The following ASMTL variants were observed in gnomAD, a reference collection of about 807,000 sequenced individuals.
ASMTL encodes the protein probable bifunctional dTTP/UTP pyrophosphatase/methyltransferase protein.
In ASMTL, 57 loss-of-function variants were observed where a neutral mutation model predicts 60.3. The observed-to-expected ratio is 0.95, with a 90% CI of 0.76 to 1.18. The LOEUF (loss-of-function observed/expected upper bound fraction) is 1.18. Ranked by LOEUF, ASMTL falls within the 50% of genes most tolerant of loss-of-function variation. The pLI is 0.00. For synonymous variants in ASMTL, 419 were observed against 373.0 expected (o/e 1.12, Z -1.42); for missense variants, 981 against 852.6 (o/e 1.15, Z -1.88).
intron 3 of ASMTL, among the ~76,000 whole-genome samples, chrX:1,438,381 C>G (rs28437053): frequency 0.24 from 36,785 of 152,044 alleles, 4,703 homozygotes; most frequent in Middle Eastern, 0.38. Context: ...GGCCATGAGC[C>G]AAAGGAGACA....
chrX:1,419,165 C>T (rs1268600652), intron 9 of ASMTL, 51 bp from the exon 10 acceptor site: 15 of 1,593,922 alleles, frequency 9.4e-6, no homozygotes, highest in East Asian at 9.0e-5. Context: ...GGCGAGGGCT[C>T]GCCCAGCCTC....
intron 1 of ASMTL, among the ~76,000 whole-genome samples, chrX:1,446,720 C>T (rs183512861): frequency 0.011 from 1,725 of 152,150 alleles, 27 homozygotes; most frequent in Middle Eastern, 0.065. Context: ...AGGATGGTCT[C>T]GATCTCCTGA....
chrX:1,436,126 C>T (rs2052204932), intron 3 of ASMTL, among the ~76,000 whole-genome samples: 1 of 152,186 alleles, frequency 6.6e-6, no homozygotes, highest in African/African-American at 2.4e-5. Flanking sequence ...CTGTCACTGA[C>T]CGTGATGTCC....
chrX:1,452,313 C>G (rs142094487), intron 1 of ASMTL, among the ~76,000 whole-genome samples: 1 of 143,602 alleles, frequency 7.0e-6, no homozygotes, highest in African/African-American at 2.7e-5. Context: ...CTCCCCATCC[C>G]CAACCCTGGA....
At chrX:1,444,870 G>C (rs1408590614) in intron 1 of ASMTL, among the ~76,000 whole-genome samples, 3 of 152,140 alleles carry the variant, frequency 2.0e-5, no homozygotes, top group Non-Finnish European at 2.9e-5. Flanking sequence ...AGGGGACTTA[G>C]AGGCTCAAGC....
intron 1 of ASMTL, among the ~76,000 whole-genome samples, chrX:1,442,560 G>A (rs762103484): frequency 6.6e-6 from 1 of 152,134 alleles, no homozygotes; most frequent in African/African-American, 2.4e-5. Context: ...ACTGACCAGG[G>A]GCCTTCTTGG....
intron 9 of ASMTL, among the ~76,000 whole-genome samples, chrX:1,419,844 C>A (rs1354141357): frequency 1.3e-5 from 2 of 152,234 alleles, no homozygotes; most frequent in Admixed American, 1.3e-4. Flanking sequence ...GCGATGCCCA[C>A]GCTGGCTGCT....
chrX:1,422,522 C>T (rs1342673112), intron 8 of ASMTL, among the ~76,000 whole-genome samples: 5 of 152,112 alleles, frequency 3.3e-5, no homozygotes, highest in Non-Finnish European at 7.4e-5. Context: ...TCTCCACCCA[C>T]TTCATGCCCA....
chrX:1,422,756 A>C (rs1461260377), intron 8 of ASMTL, among the ~76,000 whole-genome samples: 1 of 152,132 alleles, frequency 6.6e-6, no homozygotes. Context: ...ACGGTTTGCT[A>C]TAGTCAGATA....
intron 1 of ASMTL, among the ~76,000 whole-genome samples, chrX:1,451,471 G>A (rs1473904883): frequency 2.3e-5 from 3 of 131,736 alleles, no homozygotes; most frequent in African/African-American, 5.9e-5. Flanking sequence ...TTTGGGTCCC[G>A]GGTTACTCTC....
At position 1,428,820 on chromosome X, in the gene ASMTL, A is replaced by G. The variant is rs1318107192; in HGVS notation, c.510-699T>C. Among the ~76,000 whole-genome samples the G allele has an allele frequency of 5.5e-5, 8 of 146,640 alleles. No individual in the cohort carries two copies. In the Admixed American group the frequency reaches 5.7e-4, roughly 10 times the overall value. ...TCTAGTGTGCTGGCAATTTACCAGT[A>G]AGACACTGTTCCTATAAACCACAGT... On this transcript the variant is annotated intron_variant, in intron 6 of 12. Coordinates refer to ENST00000381317, the MANE Select transcript of ASMTL (RefSeq NM_004192.4).
chrX:1,404,862 GGATGCATGGATGA>G lies in ASMTL; in HGVS notation c.1646-1386_1646-1374del, dbSNP rs2089749797. ...TGGATAGGTAGGAAGATGAATAGTTGGATGCATGGATGAGATGGATGGTTGGGTGAATAGATGG... is the reference window on the plus strand; with the variant it reads ...TGGATAGGTAGGAAGATGAATAGTTGGATGGATGGTTGGGTGAATAGATGG... On this transcript the variant is annotated intron_variant, in intron 12 of 12. Transcript: ENST00000381317. 8.6e-5 allele frequency among the ~76,000 whole-genome samples: 13 copies of G among 151,942 alleles called. 1 individual carries two copies. The highest frequency in any genetic ancestry group is 6.8e-3 in the Middle Eastern group (2 of 294).
At chrX:1,407,517 T>C (rs1348584739) in intron 12 of ASMTL, among the ~76,000 whole-genome samples, 1 of 151,822 alleles carries the variant, frequency 6.6e-6, no homozygotes, top group African/African-American at 2.4e-5. Context: ...GGTGAATATA[T>C]GGTAGATGAT....
intron 5 of ASMTL, among the ~76,000 whole-genome samples, chrX:1,433,422 T>A (rs1422938132): frequency 1.3e-5 from 2 of 148,282 alleles, no homozygotes; most frequent in Non-Finnish European, 3.0e-5. Flanking sequence ...TCCCAGCACT[T>A]TGGGAGGCCG....
chrX:1,436,466 C>T (rs1182684714), intron 3 of ASMTL, among the ~76,000 whole-genome samples: 1 of 152,218 alleles, frequency 6.6e-6, no homozygotes, highest in East Asian at 1.9e-4. Context: ...CATTCTCCTG[C>T]CTCAGCCTCC....
At chrX:1,448,842 T>C (rs2091289580) in intron 1 of ASMTL, among the ~76,000 whole-genome samples, 1 of 142,416 alleles carries the variant, frequency 7.0e-6, no homozygotes. Context: ...ACATGCATGG[T>C]CATCTTTGAC....
rs1187906286 is a variant in ASMTL at position 1,421,269 on chromosome X, CTG to C, written c.1245+387_1245+388del. The stretch of plus-strand genomic sequence containing the variant: ...GCTCATGCCACCATGCCCAGCCTAA[CTG>C]TTAATTTTTTGTAGAGATGGGGGTC... On this transcript the variant is annotated intron_variant, in intron 9 of 12. Transcript: ENST00000381317. 3.1e-3 allele frequency among the ~76,000 whole-genome samples: 473 copies of C among 152,008 alleles called. 6 individuals are homozygous for C. Among genetic ancestry groups the C allele is most frequent in the Non-Finnish European group, 1.4e-3 (98 of 67,984 alleles).
rs1157756779 is a variant in ASMTL, at chrX:1,403,231, G to T, written c.*38C>A. 2.5e-6 allele frequency: 4 copies of T among 1,576,954 alleles called. No individual in the cohort carries two copies. The highest frequency in any genetic ancestry group is 3.5e-6 in the Non-Finnish European group (4 of 1,148,950). ...GACCGGGCGGTCCACCTGCAGCCTG[G>T]GGGAGGACATCCCTATAATGAACAT... is the stretch of plus-strand genomic sequence containing the variant. On this transcript the variant is annotated 3_prime_UTR_variant, in exon 13 of 13. Coordinates refer to ENST00000381317, the MANE Select transcript of ASMTL (RefSeq NM_004192.4).
At chrX:1,416,606 CACAG>C (rs1268956094) in intron 11 of ASMTL, among the ~76,000 whole-genome samples, 42 of 152,032 alleles carry the variant, frequency 2.8e-4, no homozygotes, top group African/African-American at 9.4e-4. Flanking sequence ...CATATACCCA[CACAG>C]ACGCACAGAA....
Sources: gnomAD v4.1 joint callset for allele counts (sites outside exome capture counted in the v4.1 genomes callset) on GRCh38, gnomAD v4.1.1 for gene constraint, MANE v1.5 for transcripts, NCBI Gene and HGNC (gene_info 2026-07-23, HGNC 2026-07-21) for gene names.